Variants in EYS observed in about 807,000 individuals in gnomAD.
EYS encodes EGF-like photoreceptor maintenance factor.
A neutral mutation model predicts 282.1 loss-of-function variants in EYS; 250 were observed. That is an observed-to-expected ratio of 0.89 (90% CI 0.80 to 0.98). EYS has a LOEUF of 0.98. Ranked by LOEUF, EYS falls within the 50% of genes least tolerant of loss-of-function variation. EYS has a pLI of 0.00. For missense variants in EYS, 4,016 were observed against 3,709.0 expected, an observed-to-expected ratio of 1.08 and a Z score of -2.15; for synonymous variants, 1,355 against 1,282.9, an observed-to-expected ratio of 1.06 and a Z score of -1.20.
intron 31 of EYS, among the ~76,000 whole-genome samples, chr6:64,220,548 T>A (rs1766069319): frequency 6.6e-6 from 1 of 152,086 alleles, no homozygotes; most frequent in African/African-American, 2.4e-5. Context: ...CTTCCCCAGG[T>A]TCAATCTAAG....
In EYS at chr6:65,384,444, A is replaced by C; in HGVS notation, c.1241T>G (p.Leu414Arg). 6.2e-7 allele frequency: 1 copy of C among 1,609,860 alleles called. No individual in the cohort carries two copies. The highest frequency in any genetic ancestry group is 8.5e-7 in the Non-Finnish European group (1 of 1,177,760). ...NCEKAIDHCK[L>R]LSINCLNEEW... ...TTCATTCAGACAGTTGATGCTGAGC[A>C]GTTTACAGTGGTCAATTGCTTTCTC... is the stretch of plus-strand genomic sequence containing the variant. The change falls in exon 8 of 43, where the codon CTG (leucine) becomes CGG (arginine). Residue 414 changes from leucine to arginine, a missense_variant. Leu to Arg is a moderately radical substitution (Grantham distance 102). Transcript: ENST00000503581.
intron 31 of EYS, among the ~76,000 whole-genome samples, chr6:64,096,736 CCTT>C (rs901568670): frequency 6.6e-6 from 1 of 152,166 alleles, no homozygotes; most frequent in African/African-American, 2.4e-5. Context: ...TCGTCTGAAG[CCTT>C]CTTCTCTCAA....
chr6:64,969,132 A>T (rs1485458908), intron 14 of EYS, among the ~76,000 whole-genome samples: 10 of 152,134 alleles, frequency 6.6e-5, no homozygotes, highest in African/African-American at 2.2e-4. Context: ...TTCCTGGGGA[A>T]TCTCCCTTAA....
intron 33 of EYS, among the ~76,000 whole-genome samples, chr6:64,049,857 A>G (rs1330901022): frequency 6.6e-6 from 1 of 152,158 alleles, no homozygotes; most frequent in Non-Finnish European, 1.5e-5. Flanking sequence ...ATAGTCATAA[A>G]AACGGGGTTC....
chr6:65,577,340 A>T (rs1037934909), intron 2 of EYS, among the ~76,000 whole-genome samples: 3 of 151,872 alleles, frequency 2.0e-5, no homozygotes, highest in African/African-American at 7.2e-5. Flanking sequence ...AGGAAATGAC[A>T]GTCTTTAAAA....
intron 8 of EYS, among the ~76,000 whole-genome samples, chr6:65,372,675 A>C (rs1403200820): frequency 3.3e-5 from 5 of 152,096 alleles, no homozygotes; most frequent in African/African-American, 1.2e-4. Flanking sequence ...TTATATTATT[A>C]ATATTGAGAA....
chr6:63,966,076 T>C (rs1300194713), intron 35 of EYS, among the ~76,000 whole-genome samples: 1 of 152,156 alleles, frequency 6.6e-6, no homozygotes, highest in African/African-American at 2.4e-5. Context: ...AAAGAAGTTA[T>C]CCTTCATGAA....
intron 12 of EYS, among the ~76,000 whole-genome samples, chr6:65,250,534 C>A (rs1226562055): frequency 2.0e-5 from 3 of 151,850 alleles, no homozygotes; most frequent in Non-Finnish European, 4.4e-5. Context: ...CTAACAGTAC[C>A]TTAATAAAGC....
At chr6:64,146,866 A>G (rs771332247) in intron 31 of EYS, among the ~76,000 whole-genome samples, 10 of 152,222 alleles carry the variant, frequency 6.6e-5, no homozygotes, top group African/African-American at 2.4e-4. Flanking sequence ...GAGATGCAAC[A>G]TGGAAAATTT....
At chr6:64,188,477 C>T (rs1765011436) in intron 31 of EYS, among the ~76,000 whole-genome samples, 1 of 152,004 alleles carries the variant, frequency 6.6e-6, no homozygotes, top group Non-Finnish European at 1.5e-5. Flanking sequence ...AAAAATATAT[C>T]CCAAATATTG....
chr6:64,547,531 A>C (rs1002027262), intron 26 of EYS, among the ~76,000 whole-genome samples: 6 of 152,220 alleles, frequency 3.9e-5, no homozygotes, highest in African/African-American at 7.2e-5. Context: ...TGAGCTAGAC[A>C]CAGGTTGCTG....
At chr6:65,185,649 T>G (rs899911099) in intron 12 of EYS, among the ~76,000 whole-genome samples, 9 of 151,784 alleles carry the variant, frequency 5.9e-5, no homozygotes, top group Non-Finnish European at 1.2e-4. Context: ...ATGACATGAG[T>G]GCTAGGCTCT....
chr6:64,906,354 T>C (rs1767826973), intron 16 of EYS, among the ~76,000 whole-genome samples: 1 of 152,122 alleles, frequency 6.6e-6, no homozygotes, highest in South Asian at 2.1e-4. Flanking sequence ...ATGTATTTTC[T>C]TTAAGGAATT....
chr6:65,369,840 T>A (rs375412735), intron 8 of EYS, among the ~76,000 whole-genome samples: 2 of 151,726 alleles, frequency 1.3e-5, no homozygotes, highest in South Asian at 4.1e-4. Flanking sequence ...TCACACTTGG[T>A]TCCTTCAGGG....
chr6:64,705,720 C>A (rs988226738), intron 22 of EYS, among the ~76,000 whole-genome samples: 1 of 150,764 alleles, frequency 6.6e-6, no homozygotes, highest in African/African-American at 2.4e-5. Flanking sequence ...AGTAAACTAT[C>A]GCAAGAACAA....
In EYS at chr6:64,444,483, T is replaced by C. The variant is rs557725840; in HGVS notation, c.5645-5131A>G. ...AAAACTCCTTAATATTATTAAGATATGTATTTTATAGACTAAATTTTAAAA... is the reference window on the plus strand; with the variant it reads ...AAAACTCCTTAATATTATTAAGATACGTATTTTATAGACTAAATTTTAAAA... On this transcript the variant is annotated intron_variant, in intron 26 of 42. Transcript: ENST00000503581. Among the ~76,000 whole-genome samples, 11 of 152,334 alleles carry C rather than the reference T, an allele frequency of 7.2e-5. No homozygotes were observed. The East Asian group carries it at 7.7e-4, about 11-fold the overall frequency.
chr6:64,613,563 A>C (rs1392357231), intron 24 of EYS, among the ~76,000 whole-genome samples: 1 of 152,152 alleles, frequency 6.6e-6, no homozygotes, highest in African/African-American at 2.4e-5. Flanking sequence ...CAAACATTGG[A>C]GAGACAGTCA....
At chr6:65,093,627 C>T (rs1774637402) in intron 12 of EYS, among the ~76,000 whole-genome samples, 1 of 151,566 alleles carries the variant, frequency 6.6e-6, no homozygotes, top group African/African-American at 2.4e-5. Flanking sequence ...GAATATATCC[C>T]TAAATATACA....
At chr6:64,906,162 C>A in intron 16 of EYS, among the ~76,000 whole-genome samples, 1 of 150,390 alleles carries the variant, frequency 6.6e-6, no homozygotes, top group African/African-American at 2.4e-5. Flanking sequence ...AAATAATTAA[C>A]CAATATAAGA....
Sources: allele counts gnomAD v4.1 joint callset (sites outside exome capture counted in the v4.1 genomes callset), GRCh38; gene constraint gnomAD v4.1.1; transcripts MANE v1.5; gene names NCBI Gene and HGNC (gene_info 2026-07-23, HGNC 2026-07-21).